The following CFAP20DC variants were observed in gnomAD, a reference collection of about 807,000 sequenced individuals.
The protein encoded by CFAP20DC is CFAP20 domain containing.
A neutral mutation model predicts 101.7 loss-of-function variants in CFAP20DC; 84 were observed. The ratio of observed to expected loss-of-function variants is 0.83; its 90% confidence interval spans 0.69 to 0.99. The LOEUF is 0.99. Among genes scored for constraint, CFAP20DC ranks in the 50% least tolerant of loss-of-function variants. The probability of loss-of-function intolerance (pLI) is 0.00; values close to 1 mark genes in which losing one functional copy is unlikely to be tolerated. For missense variants in CFAP20DC, 1,007 were observed against 970.3 expected, an observed-to-expected ratio of 1.04 and a Z score of -0.50; for synonymous variants, 359 against 351.2, an observed-to-expected ratio of 1.02 and a Z score of -0.25.
At position 58,791,306 on chromosome 3, in the gene CFAP20DC, A is replaced by C. The variant is rs9882787; in HGVS notation, c.2237+15089T>G. On this transcript the variant is annotated intron_variant, in intron 15 of 16. Coordinates refer to ENST00000482387, the MANE Select transcript of CFAP20DC (RefSeq NM_001394063.1). ...TGCCAGGCCCTATGCAAAACATGTT[A>C]TGAGTATTATTTCATTTAATCTTTG... 1.5e-4 allele frequency among the ~76,000 whole-genome samples: 23 copies of C among 152,294 alleles called. No homozygotes were observed. In the East Asian group the frequency reaches 1.5e-3, roughly 10 times the overall value.
At chr3:58,742,754 G>A (rs1408277628) in intron 16 of CFAP20DC, among the ~76,000 whole-genome samples, 182 bp from the exon 17 acceptor site, 1 of 152,146 alleles carries the variant, frequency 6.6e-6, no homozygotes, top group Admixed American at 6.6e-5. Context: ...GTTCCAGGTG[G>A]AGAAGAAACA....
At chr3:58,919,762 A>G (rs1257798513) in intron 5 of CFAP20DC, among the ~76,000 whole-genome samples, 1 of 152,190 alleles carries the variant, frequency 6.6e-6, no homozygotes, top group Non-Finnish European at 1.5e-5. Context: ...AGTTTTAATG[A>G]TATTGTAAAT....
At chr3:58,730,819 G>A (rs1032627861) in intron 3 of CFAP20DC, among the ~76,000 whole-genome samples, 1 of 151,966 alleles carries the variant, frequency 6.6e-6, no homozygotes, top group Non-Finnish European at 1.5e-5. Flanking sequence ...CATCATACAC[G>A]GTAAGCAGTG....
At chr3:58,717,191 C>T (rs2067410016), downstream of CFAP20DC, among the ~76,000 whole-genome samples, 1 of 151,888 alleles carries the variant, frequency 6.6e-6, no homozygotes, top group Admixed American at 6.6e-5. The surrounding 1 kb of genome is among the most constrained non-coding windows in gnomAD (Gnocchi z 4.1). Context: ...AAGATGCCTG[C>T]AAACTAAATT....
At chr3:58,970,083 T>C (rs1160605867) in intron 4 of CFAP20DC, among the ~76,000 whole-genome samples, 2 of 152,188 alleles carry the variant, frequency 1.3e-5, no homozygotes, top group African/African-American at 4.8e-5. Flanking sequence ...AGACTTTGGG[T>C]AAATGGAATT....
intron 5 of CFAP20DC, among the ~76,000 whole-genome samples, chr3:58,924,114 A>G (rs2085688324): frequency 6.6e-6 from 1 of 152,134 alleles, no homozygotes. Flanking sequence ...AGGGGTACAC[A>G]TCCAGATTTG....
chr3:58,945,358 C>T (rs17059969), intron 4 of CFAP20DC, among the ~76,000 whole-genome samples: 2,728 of 152,254 alleles, frequency 0.018, 68 homozygotes, highest in African/African-American at 0.061. Context: ...GATGCCTACC[C>T]TACACTGTGT....
intron 13 of CFAP20DC, among the ~76,000 whole-genome samples, chr3:58,832,358 G>T (rs538761718): frequency 6.6e-6 from 1 of 152,056 alleles, no homozygotes; most frequent in Non-Finnish European, 1.5e-5. Context: ...GCTCTACAAC[G>T]GCAAGCACCA....
At chr3:59,021,189 C>A (rs1245213747) in intron 4 of CFAP20DC, among the ~76,000 whole-genome samples, 1 of 152,038 alleles carries the variant, frequency 6.6e-6, no homozygotes, top group African/African-American at 2.4e-5. Flanking sequence ...AGAACTGTAG[C>A]TTAGTGCTTA....
rs2084407177 is a variant in CFAP20DC at position 58,913,886 on chromosome 3, A to G, written c.394-22T>C. The G allele has an allele frequency of 6.2e-7, 1 of 1,612,082 alleles. No homozygotes were observed. Among genetic ancestry groups the G allele is most frequent in the Non-Finnish European group, 8.5e-7 (1 of 1,179,032 alleles). On this transcript the variant is annotated intron_variant, in intron 5 of 16. Coordinates refer to ENST00000482387, the MANE Select transcript of CFAP20DC (RefSeq NM_001394063.1). This position sits in a 1 kb window ranked among gnomAD's most constrained non-coding sequence, Gnocchi z 4.4. ...ACCACTAAAATAGAGAGATGCAAAG[A>G]AGAGTAAGGACCTTTCATCAACACA...
At position 59,021,347 on chromosome 3, in the gene CFAP20DC, C is replaced by T. The variant is rs76638188; in HGVS notation, c.278+18210G>A. On this transcript the variant is annotated intron_variant, in intron 4 of 16. Coordinates refer to ENST00000482387, the MANE Select transcript of CFAP20DC (RefSeq NM_001394063.1). ...GACTACAACGAAAAATTTCAGCAACCATTTACCCATGAATGCCAGTAGAGG... is the reference window on the plus strand; with the variant it reads ...GACTACAACGAAAAATTTCAGCAACTATTTACCCATGAATGCCAGTAGAGG... Among the ~76,000 whole-genome samples, 311 of 152,100 alleles carry T rather than the reference C, an allele frequency of 2.0e-3. 4 individuals carry two copies. The highest frequency in any genetic ancestry group is 7.0e-3 in the African/African-American group (290 of 41,514).
chr3:58,977,212 T>C (rs1576560733), intron 4 of CFAP20DC, among the ~76,000 whole-genome samples: 1 of 152,208 alleles, frequency 6.6e-6, no homozygotes. Context: ...ATTACTGTAG[T>C]TTCTTCTTCT....
rs1249154560 is a variant in CFAP20DC at position 58,897,926 on chromosome 3, G to T, written c.551-13217C>A. Among the ~76,000 whole-genome samples, 2 of 152,122 alleles carry T rather than the reference G, an allele frequency of 1.3e-5. No homozygotes were observed. Among genetic ancestry groups the T allele is most frequent in the African/African-American group, 4.8e-5 (2 of 41,412 alleles). ...TTTCCTGAATTTAAATGTTGGCCTG[G>T]CTTACTAGGTTGGGGAATTTCTCCT... is the stretch of plus-strand genomic sequence containing the variant. On this transcript the variant is annotated intron_variant, in intron 6 of 16. Coordinates refer to ENST00000482387, the MANE Select transcript of CFAP20DC (RefSeq NM_001394063.1). The surrounding 1 kb of genome is among the most constrained non-coding windows in gnomAD (Gnocchi z 4.4).
chr3:58,932,468 T>C (rs2086848421), intron 5 of CFAP20DC, among the ~76,000 whole-genome samples: 1 of 151,936 alleles, frequency 6.6e-6, no homozygotes, highest in South Asian at 2.1e-4. Flanking sequence ...AGACACATAA[T>C]TGTCAGATTC....
At chr3:59,044,437 TAGAAA>T (rs1699675822) in intron 3 of CFAP20DC, among the ~76,000 whole-genome samples, 1 of 152,156 alleles carries the variant, frequency 6.6e-6, no homozygotes, top group African/African-American at 2.4e-5. Flanking sequence ...ACACATGATA[TAGAAA>T]AGCCAGATTA....
At chr3:58,794,330 G>C (rs1381954148) in intron 15 of CFAP20DC, 1 of 455,618 alleles carries the variant, frequency 2.2e-6, no homozygotes, top group Non-Finnish European at 4.4e-6. Context: ...GGACCTAAAG[G>C]CTTTTAAAAA....
chr3:59,042,455 T>G lies in CFAP20DC; in HGVS notation c.206-2826A>C, dbSNP rs543184568. 5.1e-4 allele frequency among the ~76,000 whole-genome samples: 78 copies of G among 151,674 alleles called. 1 individual carries two copies. The highest frequency in any genetic ancestry group is 1.8e-3 in the African/African-American group (76 of 41,348). On this transcript the variant is annotated intron_variant, in intron 3 of 16. Coordinates refer to ENST00000482387, the MANE Select transcript of CFAP20DC (RefSeq NM_001394063.1). The stretch of plus-strand genomic sequence containing the variant: ...TATTCTCGGGGGTAAATGCTGTAGG[T>G]AGAGGGTACAGTCTGTGCATGGGTG...
At chr3:58,890,484 G>A (rs1234052604) in intron 6 of CFAP20DC, among the ~76,000 whole-genome samples, 1 of 147,362 alleles carries the variant, frequency 6.8e-6, no homozygotes, top group Non-Finnish European at 1.5e-5. Context: ...GTCGGGCAGA[G>A]GGGCTCCTCA....
downstream of CFAP20DC, among the ~76,000 whole-genome samples, chr3:58,740,056 T>G (rs778277409): frequency 6.6e-6 from 1 of 152,190 alleles, no homozygotes. This position sits in a 1 kb window ranked among gnomAD's most constrained non-coding sequence, Gnocchi z 4.6. Flanking sequence ...CTGGGATTTT[T>G]GAATTGACAT....
Sources: gnomAD v4.1 joint callset for allele counts (sites outside exome capture counted in the v4.1 genomes callset) on GRCh38, gnomAD v4.1.1 for gene constraint, Gnocchi (gnomAD v3.1) non-coding constraint, MANE v1.5 for transcripts, NCBI Gene and HGNC (gene_info 2026-07-23, HGNC 2026-07-21) for gene names.